Variants in RASSF2 observed in about 807,000 individuals in gnomAD.
RASSF2 encodes the protein Ras association domain family member 2.
In RASSF2, 34 loss-of-function variants were observed where a neutral mutation model predicts 46.3. That is an observed-to-expected ratio of 0.73 (90% confidence interval 0.56 to 0.98). The LOEUF (loss-of-function observed/expected upper bound fraction) is 0.98. Among genes scored for constraint, RASSF2 ranks in the 50% least tolerant of loss-of-function variants. The pLI, the probability that RASSF2 is intolerant of heterozygous loss-of-function variation, is 0.00. For missense variants in RASSF2, 364 were observed against 431.2 expected (o/e 0.84, Z 1.38); for synonymous variants, 158 against 162.5 (o/e 0.97, Z 0.21).
chr20:4,815,817 G>T (rs1364935293), intron 2 of RASSF2, among the ~76,000 whole-genome samples: 1 of 152,196 alleles, frequency 6.6e-6, no homozygotes, highest in Non-Finnish European at 1.5e-5. Context: ...GGTGCTGCAC[G>T]TCTGCACCCT....
chr20:4,814,480 C>T (rs917113847), intron 2 of RASSF2, among the ~76,000 whole-genome samples: 2 of 152,156 alleles, frequency 1.3e-5, no homozygotes, highest in African/African-American at 2.4e-5. Flanking sequence ...GCTCTGTGTG[C>T]GGAGATCTTG....
intron 11 of RASSF2, among the ~76,000 whole-genome samples, chr20:4,785,245 G>T (rs886515986): frequency 4.6e-5 from 7 of 151,978 alleles, no homozygotes; most frequent in African/African-American, 1.5e-4. Context: ...AGGCTGAGAC[G>T]GGAGAATCAC....
chr20:4,802,380 G>A (rs1248818618), intron 2 of RASSF2, among the ~76,000 whole-genome samples: 1 of 152,146 alleles, frequency 6.6e-6, no homozygotes, highest in Non-Finnish European at 1.5e-5. Flanking sequence ...GTCCCCAGGG[G>A]CAAAATCACA....
rs1924942139 is a variant in RASSF2 at position 4,782,655 on chromosome 20, G to C, written c.*1618C>G. On this transcript the variant is annotated 3_prime_UTR_variant, in exon 12 of 12. Coordinates refer to ENST00000379400, the MANE Select transcript of RASSF2 (RefSeq NM_014737.3). Reference sequence around the variant, plus strand: ...CTCAAGAAGCCATAGGTATGAATCGGGGGCAGGAGGGTGCCCAGGGCAGAA... The same window carrying C: ...CTCAAGAAGCCATAGGTATGAATCGCGGGCAGGAGGGTGCCCAGGGCAGAA... The C allele has an allele frequency of 6.6e-6, 1 of 152,310 alleles. No homozygotes were observed. The highest frequency in any genetic ancestry group is 2.4e-5 in the African/African-American group (1 of 41,470). The allele number at this position is 152,310 out of a possible 1,614,324, so 9.4% of individuals were successfully genotyped here.
intron 2 of RASSF2, among the ~76,000 whole-genome samples, chr20:4,818,598 T>C (rs1043870111): frequency 3.3e-5 from 5 of 152,140 alleles, no homozygotes; most frequent in Admixed American, 3.3e-4. Context: ...ATTTATATCA[T>C]ATAAACTGGA....
chr20:4,793,633 C>CT (rs1926090568), intron 5 of RASSF2, among the ~76,000 whole-genome samples: 1 of 151,624 alleles, frequency 6.6e-6, no homozygotes, highest in African/African-American at 2.4e-5. Flanking sequence ...TCTCAGCATC[C>CT]TTATTTTTTT....
intron 2 of RASSF2, among the ~76,000 whole-genome samples, chr20:4,817,085 A>G (rs1023866782): frequency 4.6e-5 from 7 of 152,220 alleles, no homozygotes; most frequent in Non-Finnish European, 7.3e-5. Context: ...AGCCTGGGCA[A>G]CAAGAGTGAA....
At chr20:4,810,378 T>C (rs919904102) in intron 2 of RASSF2, among the ~76,000 whole-genome samples, 40 of 152,150 alleles carry the variant, frequency 2.6e-4, no homozygotes, top group Non-Finnish European at 5.0e-4. Context: ...ACACACCAAG[T>C]TCTCAAGACG....
In RASSF2 at chr20:4,781,618, T is replaced by G. The variant is rs1924831648; in HGVS notation, c.*2655A>C. 1 of 152,212 alleles carries G rather than the reference T, an allele frequency of 6.6e-6. No individual in the cohort carries two copies. Among genetic ancestry groups the G allele is most frequent in the Non-Finnish European group, 1.5e-5 (1 of 68,040 alleles). 9.4% of individuals were successfully genotyped at this position (152,212 alleles called of 1,614,324 possible). ...ACAGAGAATGTGACCTTGTGCTTAA[T>G]TCCACCATCCCAGCCAGATAGGCTC... is the stretch of plus-strand genomic sequence containing the variant. On this transcript the variant is annotated 3_prime_UTR_variant, in exon 12 of 12. Coordinates refer to ENST00000379400, the MANE Select transcript of RASSF2 (RefSeq NM_014737.3).
chr20:4,810,227 GTTGC>G (rs1927670244), intron 2 of RASSF2, among the ~76,000 whole-genome samples: 3 of 152,170 alleles, frequency 2.0e-5, no homozygotes, highest in Non-Finnish European at 2.9e-5. Context: ...CCCTGCAGCA[GTTGC>G]ATGAAGGATC....
chr20:4,817,527 C>A (rs919837285), intron 2 of RASSF2, among the ~76,000 whole-genome samples: 2 of 152,182 alleles, frequency 1.3e-5, no homozygotes, highest in African/African-American at 4.8e-5. Flanking sequence ...CTGGTCACAA[C>A]CTAGGAATGC....
intron 2 of RASSF2, among the ~76,000 whole-genome samples, chr20:4,806,035 A>C (rs1601120674): frequency 6.6e-6 from 1 of 152,308 alleles, no homozygotes; most frequent in South Asian, 2.1e-4. Flanking sequence ...GGATGAGGTC[A>C]TCGGGAAAGA....
rs1924833153 is a variant in RASSF2 at position 4,781,637 on chromosome 20, T to C, written c.*2636A>G. On this transcript the variant is annotated 3_prime_UTR_variant, in exon 12 of 12. Transcript: ENST00000379400. ...GCTTAATTCCACCATCCCAGCCAGA[T>C]AGGCTCAGGTTTTTCCTTCACTTGA... The C allele has an allele frequency of 1.3e-5, 2 of 152,244 alleles. No individual in the cohort carries two copies. The highest frequency in any genetic ancestry group is 1.5e-5 in the Non-Finnish European group (1 of 68,044). 9.4% of individuals were successfully genotyped at this position (152,244 alleles called of 1,614,324 possible).
intron 4 of RASSF2, among the ~76,000 whole-genome samples, chr20:4,796,336 G>A (rs1166890950): frequency 6.6e-6 from 1 of 152,248 alleles, no homozygotes; most frequent in Non-Finnish European, 1.5e-5. Context: ...AGTTAGCTAC[G>A]TCCCATCCCC....
intron 11 of RASSF2, among the ~76,000 whole-genome samples, chr20:4,785,444 C>T (rs564253095): frequency 5.3e-5 from 8 of 152,190 alleles, no homozygotes; most frequent in South Asian, 2.1e-4. Context: ...AATCCAGCAG[C>T]GGCTTTATTC....
chr20:4,798,844 A>C (rs896373487), intron 3 of RASSF2, among the ~76,000 whole-genome samples: 3 of 112,596 alleles, frequency 2.7e-5, no homozygotes, highest in African/African-American at 7.6e-5. Context: ...AAACAAACAA[A>C]CAAAAAAAAA....
chr20:4,808,603 C>T (rs1182944431), intron 2 of RASSF2, among the ~76,000 whole-genome samples: 1 of 151,334 alleles, frequency 6.6e-6, no homozygotes, highest in African/African-American at 2.4e-5. Flanking sequence ...TCTCTCACCT[C>T]AGCCTTCTGA....
intron 6 of RASSF2, among the ~76,000 whole-genome samples, chr20:4,791,889 C>T (rs1027027000): frequency 1.3e-5 from 2 of 152,150 alleles, no homozygotes; most frequent in African/African-American, 2.4e-5. Flanking sequence ...AACATTCCCC[C>T]AGATAAACTG....
At chr20:4,799,141 C>T (rs936641513) in intron 3 of RASSF2, among the ~76,000 whole-genome samples, 4 of 152,020 alleles carry the variant, frequency 2.6e-5, no homozygotes, top group Non-Finnish European at 5.9e-5. Flanking sequence ...GGCTTCTGGG[C>T]CCTGGCAATA....
Sources: allele counts gnomAD v4.1 joint callset (sites outside exome capture counted in the v4.1 genomes callset), GRCh38; gene constraint gnomAD v4.1.1; transcripts MANE v1.5; gene names NCBI Gene and HGNC (gene_info 2026-07-23, HGNC 2026-07-21).